The following DAB1 variants were observed in gnomAD, a reference collection of about 807,000 sequenced individuals.
The protein encoded by DAB1 is disabled homolog 1.
A neutral mutation model predicts 64.6 loss-of-function variants in DAB1; 15 were observed. The ratio of observed to expected loss-of-function variants is 0.23; its 90% CI spans 0.16 to 0.36. The LOEUF is 0.36. DAB1 is among the 10% of genes least tolerant of loss of function. The pLI, the probability that DAB1 is intolerant of heterozygous loss-of-function variation, is 1.00. For missense variants in DAB1, 596 were observed against 706.7 expected (o/e 0.84, Z 1.78); for synonymous variants, 235 against 251.9 (o/e 0.93, Z 0.64).
intron 1 of DAB1, among the ~76,000 whole-genome samples, chr1:57,317,633 A>T (rs1370665822): frequency 6.6e-6 from 1 of 152,110 alleles, no homozygotes; most frequent in Non-Finnish European, 1.5e-5. Context: ...ACACTACGTT[A>T]CTCAAAGAGT....
chr1:58,429,664 T>A (rs953430699), intron 3 of DAB1, among the ~76,000 whole-genome samples: 2 of 152,148 alleles, frequency 1.3e-5, no homozygotes, highest in South Asian at 2.1e-4. Context: ...AGAGACTGCA[T>A]GGAGTAGTGG....
chr1:58,030,241 T>C (rs1646951636), intron 5 of DAB1, among the ~76,000 whole-genome samples: 1 of 152,056 alleles, frequency 6.6e-6, no homozygotes, highest in African/African-American at 2.4e-5. Context: ...TGAATCAAAC[T>C]GTGTGCATAT....
intron 7 of DAB1, among the ~76,000 whole-genome samples, chr1:57,478,398 T>C (rs1269131986): frequency 6.6e-6 from 1 of 152,094 alleles, no homozygotes; most frequent in Non-Finnish European, 1.5e-5. Context: ...TTAATGAAAT[T>C]ATTCTGCTGG....
intron 1 of DAB1, among the ~76,000 whole-genome samples, chr1:57,360,846 G>A (rs376405465): frequency 6.6e-5 from 10 of 151,958 alleles, no homozygotes; most frequent in African/African-American, 9.7e-5. Flanking sequence ...CATGAGCACC[G>A]GCCCTTCAAT....
intron 5 of DAB1, among the ~76,000 whole-genome samples, chr1:58,016,871 A>G (rs1189671673): frequency 6.6e-6 from 1 of 152,218 alleles, no homozygotes; most frequent in African/African-American, 2.4e-5. Context: ...CGTACAATAG[A>G]TAACACTATT....
chr1:57,536,677 G>A (rs912349534), intron 7 of DAB1, among the ~76,000 whole-genome samples: 5 of 149,684 alleles, frequency 3.3e-5, no homozygotes, highest in East Asian at 2.0e-4. Flanking sequence ...GGTGGTAACC[G>A]GTCCATGAGA....
chr1:57,535,026 A>G (rs950908893), intron 7 of DAB1, among the ~76,000 whole-genome samples: 2 of 152,188 alleles, frequency 1.3e-5, no homozygotes, highest in Non-Finnish European at 2.9e-5. Flanking sequence ...AGCCTCTTGC[A>G]TAGCTAGCTC....
chr1:58,543,028 C>T (rs72672245), intron 1 of DAB1, among the ~76,000 whole-genome samples: 5,020 of 151,484 alleles, frequency 0.033, 111 homozygotes, highest in Middle Eastern at 0.083. Context: ...AGACAATGGA[C>T]TATTAAGTGT....
At chr1:57,978,086 G>A (rs896648938) in intron 5 of DAB1, among the ~76,000 whole-genome samples, 3 of 152,000 alleles carry the variant, frequency 2.0e-5, no homozygotes, top group South Asian at 4.2e-4. Flanking sequence ...ATATGGAACC[G>A]AAAAAGAGCC....
chr1:57,399,223 G>A (rs1683050109), intron 1 of DAB1, among the ~76,000 whole-genome samples: 1 of 152,104 alleles, frequency 6.6e-6, no homozygotes, highest in Non-Finnish European at 1.5e-5. Context: ...TTTCTTTGTG[G>A]AAGGTGAGGA....
chr1:58,370,110 G>T (rs1390124763), intron 3 of DAB1, among the ~76,000 whole-genome samples: 2 of 152,212 alleles, frequency 1.3e-5, no homozygotes, highest in South Asian at 4.1e-4. Flanking sequence ...AGGATTGCCA[G>T]TGTGGCATTG....
intron 1 of DAB1, among the ~76,000 whole-genome samples, chr1:57,360,054 T>C (rs182542927): frequency 1.5e-3 from 230 of 152,138 alleles, no homozygotes; most frequent in African/African-American, 5.3e-3. Context: ...TTAATAACAA[T>C]AAATTGTATT....
intron 2 of DAB1, among the ~76,000 whole-genome samples, chr1:57,218,138 T>C (rs1191301667): frequency 6.6e-6 from 1 of 152,098 alleles, no homozygotes. Context: ...AAGTTAACTA[T>C]GGTATCTACC....
chr1:57,795,569 A>G lies in DAB1; in HGVS notation n.551+88430T>C, dbSNP rs138711080. 3.2e-3 allele frequency among the ~76,000 whole-genome samples: 484 copies of G among 151,218 alleles called. 5 individuals are homozygous for G. The highest frequency in any genetic ancestry group is 0.011 in the African/African-American group (458 of 41,136). On this transcript the variant is annotated intron_variant and non_coding_transcript_variant, in intron 6 of 20. Transcript: ENST00000485760. ...TTCTACATCTTCATTTGTAGGATTC[A>G]GAGTATTGCAGAGTCCTATACAAAC...
chr1:58,468,848 G>A (rs1031127139), intron 3 of DAB1: 1 of 183,988 alleles, frequency 5.4e-6, no homozygotes, highest in Admixed American at 6.5e-5. Flanking sequence ...GCCTGAAGGT[G>A]TGACAGCTGG....
chr1:57,121,034 A>ACTTTT (rs1656589838), intron 4 of DAB1, among the ~76,000 whole-genome samples: 1 of 152,006 alleles, frequency 6.6e-6, no homozygotes, highest in Non-Finnish European at 1.5e-5. Context: ...GGAGTCAGCC[A>ACTTTT]GATAAAGGAA....
chr1:57,589,929 C>T (rs1179034374), intron 7 of DAB1, among the ~76,000 whole-genome samples: 1 of 151,998 alleles, frequency 6.6e-6, no homozygotes, highest in Non-Finnish European at 1.5e-5. Flanking sequence ...GATAAATAGA[C>T]CCTCTTAGAC....
At chr1:57,231,255 C>A (rs1449301370) in intron 2 of DAB1, among the ~76,000 whole-genome samples, 1 of 152,178 alleles carries the variant, frequency 6.6e-6, no homozygotes, top group Non-Finnish European at 1.5e-5. Flanking sequence ...CTACAGTACA[C>A]TGAATACCTT....
intron 7 of DAB1, among the ~76,000 whole-genome samples, chr1:57,437,035 C>CAAA (rs66682648): frequency 0.15 from 16,412 of 108,530 alleles, 1,736 homozygotes; most frequent in African/African-American, 0.21. Flanking sequence ...GACTCCGTCT[C>CAAA]AAAAAAAAAA....
Sources: gnomAD v4.1 joint callset for allele counts (sites outside exome capture counted in the v4.1 genomes callset) on GRCh38, gnomAD v4.1.1 for gene constraint, MANE v1.5 for transcripts, NCBI Gene and HGNC (gene_info 2026-07-23, HGNC 2026-07-21) for gene names.